Variants in CD99 observed in about 807,000 individuals in gnomAD.
The protein encoded by CD99 is CD99 antigen.
Under a neutral mutation model 28.4 loss-of-function variants are expected in CD99, and 19 were observed. That is an observed-to-expected ratio of 0.67 (90% CI 0.47 to 0.98). CD99 has a LOEUF of 0.98. CD99 is among the 50% of genes least tolerant of loss of function. CD99 has a pLI of 0.00. For synonymous variants in CD99, 103 were observed against 92.1 expected, an observed-to-expected ratio of 1.12 and a Z score of -0.67; for missense variants, 283 against 248.8, an observed-to-expected ratio of 1.14 and a Z score of -0.92.
At chrX:2,714,347 CTT>C (rs2048583018) in intron 1 of CD99, 73 bp from the exon 2 acceptor site, 1 of 1,211,930 alleles carries the variant, frequency 8.3e-7, no homozygotes, top group Admixed American at 2.2e-5. Context: ...AATCGCATAT[CTT>C]TTTTATCTCT....
At chrX:2,734,637 A>G (rs1337019552) in intron 8 of CD99, among the ~76,000 whole-genome samples, 1 of 115,014 alleles carries the variant, frequency 8.7e-6, no homozygotes, top group African/African-American at 3.2e-5. Flanking sequence ...TTTTTCTCTT[A>G]TTTCTTTTTT....
At chrX:2,737,086 A>T (rs1425678546) in intron 8 of CD99, among the ~76,000 whole-genome samples, 1 of 152,014 alleles carries the variant, frequency 6.6e-6, no homozygotes, top group Non-Finnish European at 1.5e-5. Context: ...CCTGAGAAGG[A>T]TGATTGGTGG....
rs146608942 is a variant in CD99 at position 2,720,357 on chromosome X, C to T, written c.195C>T (p.Asp65=). The T allele has an allele frequency of 7.7e-5, 125 of 1,613,480 alleles. No homozygotes were observed. The highest frequency in any genetic ancestry group is 4.8e-4 in the African/African-American group (36 of 74,794). The part of the protein sequence containing the change: ...LGDAVVDGEN[D]DPRPPNPPKP... Reference sequence around the variant, plus strand: ...GCAACTCTCATCTTTCACAAACAGACGACCCACGACCACCGAACCCACCCA... The same window carrying T: ...GCAACTCTCATCTTTCACAAACAGATGACCCACGACCACCGAACCCACCCA... The change falls in exon 5 of 10, where the codon GAC becomes GAT. Residue 65 remains aspartate, a splice_region_variant and synonymous_variant. Coordinates refer to ENST00000381192, the MANE Select transcript of CD99 (RefSeq NM_002414.5).
At chrX:2,735,167 A>G (rs1483456038) in intron 8 of CD99, among the ~76,000 whole-genome samples, 1 of 152,216 alleles carries the variant, frequency 6.6e-6, no homozygotes, top group Non-Finnish European at 1.5e-5. Context: ...ACTGCTAGAC[A>G]GTGATCCTCA....
intron 1 of CD99, among the ~76,000 whole-genome samples, chrX:2,701,200 C>T (rs2047844609): frequency 6.6e-6 from 1 of 151,704 alleles, no homozygotes; most frequent in South Asian, 2.1e-4. Flanking sequence ...TTTATCCACT[C>T]ACCCACGCAT....
chrX:2,730,471 C>A (rs2049542200), intron 8 of CD99, among the ~76,000 whole-genome samples: 1 of 152,092 alleles, frequency 6.6e-6, no homozygotes, highest in South Asian at 2.1e-4. Context: ...CGTGCCCGGC[C>A]CCCAAAATAA....
intron 1 of CD99, among the ~76,000 whole-genome samples, chrX:2,712,307 T>C (rs1371592567): frequency 6.6e-6 from 1 of 152,142 alleles, no homozygotes; most frequent in Non-Finnish European, 1.5e-5. Context: ...AGGGGTCTAC[T>C]GTACTCAGGG....
intron 8 of CD99, among the ~76,000 whole-genome samples, chrX:2,730,929 C>CAA (rs4034603): frequency 0.017 from 1,761 of 106,082 alleles, 29 homozygotes; most frequent in African/African-American, 0.043. Context: ...GACTCTGTCT[C>CAA]AAAAAAAAAA....
rs746690872 is a variant in CD99, at chrX:2,726,389, C to T, written c.475+16C>T. On this transcript the variant is annotated intron_variant, in intron 8 of 9. Transcript: ENST00000381192. ...AAAGAAAATGGTAAGTCTCAGTCCGCCGGTGCCTCTCCTTCATGCCTTGCT... is the reference window on the plus strand; with the variant it reads ...AAAGAAAATGGTAAGTCTCAGTCCGTCGGTGCCTCTCCTTCATGCCTTGCT... 3.6e-5 allele frequency: 53 copies of T among 1,464,876 alleles called. No individual in the cohort carries two copies. Among genetic ancestry groups the T allele is most frequent in the Non-Finnish European group, 4.8e-5 (50 of 1,045,054 alleles). The allele number at this position is 1,464,876 out of a possible 1,614,324, so 90.7% of individuals were successfully genotyped here.
At chrX:2,726,513 C>T (rs916882681) in intron 8 of CD99, 140 bp downstream of exon 8, 1 of 709,342 alleles carries the variant, frequency 1.4e-6, no homozygotes, top group African/African-American at 1.7e-5. Context: ...TGCTAAAATT[C>T]TGGAATCGAA....
intron 8 of CD99, 137 bp from the exon 9 acceptor site, chrX:2,738,063 C>T (rs758392707): frequency 3.2e-5 from 26 of 806,506 alleles, no homozygotes; most frequent in South Asian, 2.0e-4. Flanking sequence ...CAGTGGGTCT[C>T]GGGGTTCAGA....
intron 1 of CD99, among the ~76,000 whole-genome samples, chrX:2,698,448 C>T (rs765797481): frequency 1.6e-3 from 244 of 152,180 alleles, no homozygotes; most frequent in Middle Eastern, 6.8e-3. Context: ...GGGTTACAGG[C>T]GTGAGCCACC....
intron 2 of CD99, chrX:2,715,241 T>C (rs1315253281): frequency 6.6e-6 from 1 of 152,064 alleles, no homozygotes; most frequent in African/African-American, 2.4e-5. Context: ...CATCCCTTTG[T>C]ATTTGTTTTC....
chrX:2,727,259 G>C, intron 8 of CD99: 1 of 775,798 alleles, frequency 1.3e-6, no homozygotes, highest in Admixed American at 1.7e-5. Flanking sequence ...GGGGAATTAG[G>C]AGGAGGACGT....
chrX:2,703,056 T>C (rs1166767585), intron 1 of CD99, among the ~76,000 whole-genome samples: 3 of 152,166 alleles, frequency 2.0e-5, no homozygotes, highest in African/African-American at 7.2e-5. Context: ...CCCAAAATGC[T>C]GGGATTACAG....
rs370955737 is a variant in CD99, at chrX:2,733,484, G to A, written c.476-4716G>A. 1.6e-4 allele frequency: 188 copies of A among 1,177,610 alleles called. No individual in the cohort carries two copies. In the African/African-American group the frequency reaches 2.6e-3, roughly 16 times the overall value. The allele number at this position is 1,177,610 out of a possible 1,614,324, so 72.9% of individuals were successfully genotyped here. On this transcript the variant is annotated intron_variant, in intron 8 of 9. Transcript: ENST00000381192. ...TTCCATCTGCCGCTCCCCTCGCCCT[G>A]CTGGCAAATTCCCACCACGATGGGA...
At chrX:2,727,182 G>T (rs2049335767) in intron 8 of CD99, 1 of 717,338 alleles carries the variant, frequency 1.4e-6, no homozygotes, top group South Asian at 1.5e-5. Flanking sequence ...TTCCCTTTCT[G>T]TTAGTACCGA....
intron 2 of CD99, 60 bp from the exon 3 acceptor site, chrX:2,717,545 G>C: frequency 7.8e-7 from 1 of 1,286,044 alleles, no homozygotes; most frequent in Non-Finnish European, 1.1e-6. Context: ...AACCACAAAA[G>C]AGTTGACACT....
intron 3 of CD99, 134 bp downstream of exon 3, chrX:2,717,786 A>AT: frequency 1.4e-6 from 1 of 732,772 alleles, no homozygotes; most frequent in Non-Finnish European, 2.4e-6. Context: ...TTAATAGTTA[A>AT]TACTGGAATT....
Sources: allele counts gnomAD v4.1 joint callset (sites outside exome capture counted in the v4.1 genomes callset), GRCh38; gene constraint gnomAD v4.1.1; transcripts MANE v1.5; gene names NCBI Gene and HGNC (gene_info 2026-07-23, HGNC 2026-07-21).